WARS2: variants seen among roughly 807,000 people sequenced by gnomAD.
WARS2 encodes tryptophanyl tRNA synthetase 2, mitochondrial.
Under a neutral mutation model 36.5 loss-of-function variants are expected in WARS2, and 28 were observed. The ratio of observed to expected loss-of-function variants is 0.77; its 90% CI spans 0.57 to 1.05. The LOEUF (loss-of-function observed/expected upper bound fraction) is 1.05, where lower values mean the gene tolerates loss of function less well. WARS2 is among the 50% of genes least tolerant of loss of function. The pLI is 0.00. For missense variants in WARS2, 435 were observed against 456.8 expected, an observed-to-expected ratio of 0.95 and a Z score of 0.44; for synonymous variants, 174 against 178.4, an observed-to-expected ratio of 0.98 and a Z score of 0.20.
chr1:119,048,238 G>A (rs191248991), intron 2 of WARS2, among the ~76,000 whole-genome samples: 5 of 152,306 alleles, frequency 3.3e-5, no homozygotes, highest in Admixed American at 3.3e-4. Context: ...TTGGAGTGAG[G>A]TTGCCTGGAT....
intron 2 of WARS2, among the ~76,000 whole-genome samples, chr1:119,052,060 C>T (rs1649411961): frequency 6.6e-6 from 1 of 151,894 alleles, no homozygotes; most frequent in Non-Finnish European, 1.5e-5. Flanking sequence ...GCACCCGGCC[C>T]TTGCTGTATT....
At chr1:119,081,809 G>C (rs1019432532) in intron 1 of WARS2, among the ~76,000 whole-genome samples, 13 of 152,180 alleles carry the variant, frequency 8.5e-5, no homozygotes, top group African/African-American at 3.1e-4. Flanking sequence ...ATTAAGGATT[G>C]AAGAGCTGAA....
chr1:119,055,542 T>C (rs1376602340), intron 2 of WARS2, among the ~76,000 whole-genome samples: 1 of 152,084 alleles, frequency 6.6e-6, no homozygotes, highest in African/African-American at 2.4e-5. Flanking sequence ...CTTGGGAGGC[T>C]GAGGCACAAG....
intron 1 of WARS2, among the ~76,000 whole-genome samples, chr1:119,109,048 C>T (rs1169977855): frequency 1.3e-5 from 2 of 152,018 alleles, no homozygotes; most frequent in East Asian, 1.9e-4. Flanking sequence ...TTACTGACTA[C>T]TAGTTTAATT....
intron 1 of WARS2, among the ~76,000 whole-genome samples, chr1:119,084,704 G>C (rs775857655): frequency 7.9e-5 from 12 of 152,052 alleles, no homozygotes; most frequent in Non-Finnish European, 1.6e-4. Context: ...GAATTATCTG[G>C]TATTTTCCCT....
intron 1 of WARS2, among the ~76,000 whole-genome samples, chr1:119,109,418 T>C (rs1328757088): frequency 1.3e-5 from 2 of 152,012 alleles, no homozygotes; most frequent in Non-Finnish European, 2.9e-5. Context: ...TTTTAGAGAA[T>C]TGACCTCTTT....
intron 1 of WARS2, among the ~76,000 whole-genome samples, chr1:119,134,319 C>CAAAAA (rs761321480): frequency 7.4e-4 from 49 of 65,864 alleles, no homozygotes; most frequent in South Asian, 2.3e-3. Context: ...GGCAAAGGGG[C>CAAAAA]AAAAAAAAAA....
chr1:119,090,281 G>A (rs929750542), intron 1 of WARS2, among the ~76,000 whole-genome samples: 3 of 152,170 alleles, frequency 2.0e-5, no homozygotes, highest in Non-Finnish European at 4.4e-5. Flanking sequence ...GTGGAGGTGA[G>A]GAGCCCAAAT....
chr1:119,111,518 T>C (rs587593605), intron 1 of WARS2, among the ~76,000 whole-genome samples: 1 of 152,306 alleles, frequency 6.6e-6, no homozygotes, highest in South Asian at 2.1e-4. Flanking sequence ...CTCTGAGGCC[T>C]TGTTAAAAAG....
chr1:119,066,254 G>C (rs1650842605), intron 2 of WARS2, among the ~76,000 whole-genome samples: 1 of 152,110 alleles, frequency 6.6e-6, no homozygotes, highest in African/African-American at 2.4e-5. Flanking sequence ...AAGGTGGGCG[G>C]ATCACAAGGT....
chr1:119,050,511 T>C (rs1389219916), intron 2 of WARS2, among the ~76,000 whole-genome samples: 2 of 152,160 alleles, frequency 1.3e-5, no homozygotes, highest in African/African-American at 4.8e-5. Context: ...CTATAGTACC[T>C]AGGGCATGGT....
At chr1:119,119,661 A>C (rs1655209839) in intron 1 of WARS2, among the ~76,000 whole-genome samples, 1 of 152,162 alleles carries the variant, frequency 6.6e-6, no homozygotes, top group Non-Finnish European at 1.5e-5. Flanking sequence ...ATGATAGACC[A>C]CAAAACACAT....
intron 2 of WARS2, among the ~76,000 whole-genome samples, chr1:119,058,122 T>C (rs965435680): frequency 3.9e-5 from 6 of 152,138 alleles, no homozygotes; most frequent in African/African-American, 1.4e-4. Flanking sequence ...GGTTTTAAGT[T>C]GATCTTTTTT....
intron 2 of WARS2, among the ~76,000 whole-genome samples, chr1:119,055,569 G>A (rs1649710917): frequency 6.6e-6 from 1 of 152,130 alleles, no homozygotes; most frequent in Non-Finnish European, 1.5e-5. Context: ...TTGAACCCAG[G>A]AGGCAGAGGT....
rs587699223 is a variant in WARS2 at position 119,122,691 on chromosome 1, G to C, written c.90+17864C>G. ...AAAGAAAGTGTGGCATATATACCATGGAATACTACTCAGCCATAAAAGGGA... is the reference window on the plus strand; with the variant it reads ...AAAGAAAGTGTGGCATATATACCATCGAATACTACTCAGCCATAAAAGGGA... On this transcript the variant is annotated intron_variant, in intron 1 of 5. Transcript: ENST00000235521. Among the ~76,000 whole-genome samples, 11 of 152,222 alleles carry C rather than the reference G, an allele frequency of 7.2e-5. 1 individual carries two copies. The highest frequency in any genetic ancestry group is 6.5e-4 in the Admixed American group (10 of 15,284).
At chr1:119,129,674 C>T (rs374977512) in intron 1 of WARS2, among the ~76,000 whole-genome samples, 12 of 151,846 alleles carry the variant, frequency 7.9e-5, no homozygotes, top group Non-Finnish European at 1.5e-4. Context: ...ATGACTGCAC[C>T]ACTGCACTCC....
intron 1 of WARS2, among the ~76,000 whole-genome samples, chr1:119,102,306 T>C (rs1426062037): frequency 6.6e-6 from 1 of 152,242 alleles, no homozygotes; most frequent in African/African-American, 2.4e-5. Flanking sequence ...TAAATCTCCG[T>C]CTGCTTAAGC....
At chr1:119,088,692 C>T (rs1312684538) in intron 1 of WARS2, among the ~76,000 whole-genome samples, 2 of 152,152 alleles carry the variant, frequency 1.3e-5, no homozygotes, top group Non-Finnish European at 2.9e-5. Flanking sequence ...AACAAGTAGG[C>T]ATGCTATCTT....
intron 1 of WARS2, chr1:119,126,869 A>G (rs1056356088): frequency 1.1e-5 from 9 of 812,086 alleles, no homozygotes; most frequent in East Asian, 2.5e-5. Context: ...GGTGCTGAGC[A>G]TAAGAGGTCT....
Sources: allele counts gnomAD v4.1 joint callset (sites outside exome capture counted in the v4.1 genomes callset), GRCh38; gene constraint gnomAD v4.1.1; transcripts MANE v1.5; gene names NCBI Gene and HGNC (gene_info 2026-07-23, HGNC 2026-07-21).